Variants in CSMD3 observed in about 807,000 individuals in gnomAD.
CSMD3 encodes CUB and Sushi multiple domains 3.
CSMD3 carries 177 observed loss-of-function variants against 435.2 expected under a neutral mutation model. That is an observed-to-expected ratio of 0.41 (90% CI 0.36 to 0.46). The LOEUF is 0.46. Ranked by LOEUF, CSMD3 falls within the 20% of genes least tolerant of loss-of-function variation. The probability of loss-of-function intolerance (pLI) is 0.34; values close to 1 mark genes in which losing one functional copy is unlikely to be tolerated. For synonymous variants in CSMD3, 1,656 were observed against 1,520.5 expected, an observed-to-expected ratio of 1.09 and a Z score of -2.07; for missense variants, 4,265 against 4,504.6, an observed-to-expected ratio of 0.95 and a Z score of 1.52.
chr8:113,333,663 C>A (rs2094045906), intron 1 of CSMD3, among the ~76,000 whole-genome samples: 1 of 151,834 alleles, frequency 6.6e-6, no homozygotes, highest in South Asian at 2.1e-4. Context: ...ATGCCAAAGT[C>A]TTGATTATTG....
At chr8:112,957,902 C>G (rs1304240222) in intron 7 of CSMD3, among the ~76,000 whole-genome samples, 2 of 151,718 alleles carry the variant, frequency 1.3e-5, no homozygotes, top group Non-Finnish European at 2.9e-5. Context: ...CGCACCACCG[C>G]GCCCAGATAT....
chr8:112,798,028 T>G (rs1355780092), intron 13 of CSMD3, among the ~76,000 whole-genome samples: 1 of 151,930 alleles, frequency 6.6e-6, no homozygotes, highest in African/African-American at 2.4e-5. Context: ...GTAAGATATA[T>G]TTTCTATTTA....
chr8:112,939,493 C>A (rs1270427872), intron 9 of CSMD3, among the ~76,000 whole-genome samples: 1 of 151,944 alleles, frequency 6.6e-6, no homozygotes, highest in African/African-American at 2.4e-5. Context: ...GGAAAGACAA[C>A]TTTGTGTAGA....
intron 11 of CSMD3, among the ~76,000 whole-genome samples, chr8:112,857,256 C>G (rs983729935): frequency 3.3e-5 from 5 of 151,426 alleles, no homozygotes; most frequent in African/African-American, 1.2e-4. Flanking sequence ...TAAAAAATAG[C>G]AAAGAACTGA....
chr8:113,371,282 G>T lies in CSMD3; in HGVS notation c.179-56489C>A, dbSNP rs138766899. ...ATATTTTTAAAAAAACATTTATAAG[G>T]TAGCTACTTAATAAACTTTAAGTGG... On this transcript the variant is annotated intron_variant, in intron 1 of 70. Coordinates refer to ENST00000297405, the MANE Select transcript of CSMD3 (RefSeq NM_198123.2). 7.0e-4 allele frequency among the ~76,000 whole-genome samples: 106 copies of T among 151,930 alleles called. 1 individual carries two copies. The highest frequency in any genetic ancestry group is 8.0e-4 in the Non-Finnish European group (54 of 67,904).
At chr8:113,343,859 CAGG>C (rs1197016254) in intron 1 of CSMD3, among the ~76,000 whole-genome samples, 1 of 152,082 alleles carries the variant, frequency 6.6e-6, no homozygotes, top group Non-Finnish European at 1.5e-5. Context: ...ATCACGAGGT[CAGG>C]AGATTTGAGA....
chr8:113,323,607 A>T (rs952348542), intron 1 of CSMD3, among the ~76,000 whole-genome samples: 1 of 152,208 alleles, frequency 6.6e-6, no homozygotes, highest in African/African-American at 2.4e-5. Context: ...TATAAAAAGT[A>T]TCTTTTTCAC....
chr8:112,971,740 T>G (rs2084666413), intron 7 of CSMD3, among the ~76,000 whole-genome samples: 1 of 152,150 alleles, frequency 6.6e-6, no homozygotes, highest in African/African-American at 2.4e-5. Context: ...TTTTAATAGA[T>G]CTAAACCAAC....
At chr8:112,504,434 A>G (rs1822299565) in intron 29 of CSMD3, among the ~76,000 whole-genome samples, 1 of 152,118 alleles carries the variant, frequency 6.6e-6, no homozygotes, top group African/African-American at 2.4e-5. Flanking sequence ...TTTTTTCTTC[A>G]TCAATAGTAC....
At chr8:112,248,715 T>C (rs532477175) in intron 63 of CSMD3, among the ~76,000 whole-genome samples, 4 of 152,256 alleles carry the variant, frequency 2.6e-5, no homozygotes, top group African/African-American at 9.6e-5. Context: ...CTTCAGACTC[T>C]GAATTCCACC....
rs746191523 is a variant in CSMD3, at chr8:112,234,465, C to T, written c.10640G>A (p.Ser3547Asn). 7 of 1,597,806 alleles carry T rather than the reference C, an allele frequency of 4.4e-6. No individual in the cohort carries two copies. The highest frequency in any genetic ancestry group is 4.3e-6 in the Non-Finnish European group (5 of 1,165,644). The change falls in exon 68 of 71, where the codon AGC (serine) becomes AAC (asparagine). Residue 3547 changes from serine to asparagine, a missense_variant. Ser to Asn is a conservative substitution (Grantham distance 46). Coordinates refer to ENST00000297405, the MANE Select transcript of CSMD3 (RefSeq NM_198123.2). ...MELLLSGVYK[S>N]QEARLMLRIY... ...GCGTAACATTAGGCGAGCTTCCTGG[C>T]TTTTATATACCCCTGTAAAATGCAA... is the stretch of plus-strand genomic sequence containing the variant.
intron 3 of CSMD3, 25 bp from the exon 4 acceptor site, chr8:113,173,941 G>A (rs780159313): frequency 1.3e-6 from 2 of 1,536,624 alleles, no homozygotes; most frequent in Non-Finnish European, 1.8e-6. Flanking sequence ...GAAAAGGAGA[G>A]TTTACAGTTA....
chr8:113,315,106 C>T (rs72670759), intron 1 of CSMD3, among the ~76,000 whole-genome samples: 2,887 of 152,208 alleles, frequency 0.019, 48 homozygotes, highest in Non-Finnish European at 0.027. Context: ...TCCTAGAACA[C>T]GGTATCTTTC....
chr8:112,979,602 C>T lies in CSMD3; in HGVS notation c.1031-3454G>A, dbSNP rs180835626. Among the ~76,000 whole-genome samples, 692 of 151,336 alleles carry T rather than the reference C, an allele frequency of 4.6e-3. 4 individuals are homozygous for T. The highest frequency in any genetic ancestry group is 7.1e-3 in the Non-Finnish European group (481 of 67,510). On this transcript the variant is annotated intron_variant, in intron 6 of 70. Coordinates refer to ENST00000297405, the MANE Select transcript of CSMD3 (RefSeq NM_198123.2). Reference sequence around the variant, plus strand: ...CAATATTAAATATACACATAGCTATCCAATGTTAAAAGGATACTTTACTTT... The same window carrying T: ...CAATATTAAATATACACATAGCTATTCAATGTTAAAAGGATACTTTACTTT...
At chr8:112,825,885 A>G (rs1055772704) in intron 12 of CSMD3, among the ~76,000 whole-genome samples, 1 of 152,124 alleles carries the variant, frequency 6.6e-6, no homozygotes, top group African/African-American at 2.4e-5. Context: ...TGCTTTGCTG[A>G]AAGGAAAATC....
At chr8:112,910,274 C>T (rs1329064253) in intron 10 of CSMD3, among the ~76,000 whole-genome samples, 1 of 151,710 alleles carries the variant, frequency 6.6e-6, no homozygotes, top group East Asian at 2.0e-4. Flanking sequence ...GGATAAGATC[C>T]TGTTTCTCAG....
chr8:112,777,795 A>G (rs1400063139), intron 13 of CSMD3, among the ~76,000 whole-genome samples: 4 of 151,832 alleles, frequency 2.6e-5, no homozygotes, highest in African/African-American at 9.7e-5. Context: ...CAATGTTGTG[A>G]AAGCTGAAAT....
intron 1 of CSMD3, among the ~76,000 whole-genome samples, chr8:113,341,978 T>C (rs2094122131): frequency 6.6e-6 from 1 of 152,076 alleles, no homozygotes; most frequent in South Asian, 2.1e-4. Flanking sequence ...GATTTGTCCA[T>C]TTACTCTAGA....
intron 5 of CSMD3, among the ~76,000 whole-genome samples, chr8:113,062,995 C>T (rs188146821): frequency 6.6e-6 from 1 of 151,186 alleles, no homozygotes; most frequent in South Asian, 2.1e-4. Flanking sequence ...TTGTTAAAGG[C>T]TAACTTATAA....
Sources: allele counts gnomAD v4.1 joint callset (sites outside exome capture counted in the v4.1 genomes callset), GRCh38; gene constraint gnomAD v4.1.1; transcripts MANE v1.5; gene names NCBI Gene and HGNC (gene_info 2026-07-23, HGNC 2026-07-21).